DLGAP4: variants seen among roughly 807,000 people sequenced by gnomAD.
The protein encoded by DLGAP4 is disks large-associated protein 4.
Under a neutral mutation model 86.9 loss-of-function variants are expected in DLGAP4, and 18 were observed. The ratio of observed to expected loss-of-function variants is 0.21; its 90% CI spans 0.14 to 0.31. The LOEUF is 0.31. Among genes scored for constraint, DLGAP4 ranks in the 10% least tolerant of loss-of-function variants. The pLI is 1.00. For missense variants in DLGAP4, 1,085 were observed against 1,362.6 expected (o/e 0.80, Z 3.21); for synonymous variants, 548 against 574.3 (o/e 0.95, Z 0.65).
chr20:36,311,525 C>T (rs1326159561), intron 1 of DLGAP4, among the ~76,000 whole-genome samples: 7 of 152,080 alleles, frequency 4.6e-5, no homozygotes, highest in Non-Finnish European at 1.0e-4. Context: ...CTGATGTTGA[C>T]GATGATAATA....
intron 1 of DLGAP4, among the ~76,000 whole-genome samples, chr20:36,310,258 T>G (rs932239873): frequency 9.3e-5 from 14 of 150,116 alleles, no homozygotes; most frequent in African/African-American, 2.7e-4. Context: ...AAGAATTGCA[T>G]GGATAAAGGC....
intron 10 of DLGAP4, among the ~76,000 whole-genome samples, chr20:36,505,499 G>A (rs925098902): frequency 6.6e-6 from 1 of 152,118 alleles, no homozygotes; most frequent in African/African-American, 2.4e-5. Context: ...TTTAGGCTGG[G>A]TGTGGTGGCT....
intron 2 of DLGAP4, among the ~76,000 whole-genome samples, chr20:36,411,719 C>T (rs1000868754): frequency 6.6e-6 from 1 of 152,164 alleles, no homozygotes; most frequent in Non-Finnish European, 1.5e-5. Flanking sequence ...ATCAAGCCCT[C>T]CAGGATCTGA....
At chr20:36,342,882 G>A (rs2065398179) in intron 1 of DLGAP4, among the ~76,000 whole-genome samples, 1 of 152,192 alleles carries the variant, frequency 6.6e-6, no homozygotes, top group Non-Finnish European at 1.5e-5. Flanking sequence ...TAGGCCCTGA[G>A]GCATGAGAAG....
chr20:36,469,507 C>G (rs1193223413), intron 7 of DLGAP4, among the ~76,000 whole-genome samples: 1 of 152,160 alleles, frequency 6.6e-6, no homozygotes, highest in African/African-American at 2.4e-5. Context: ...AATCCCAGCA[C>G]TTTGAGAGGC....
chr20:36,500,084 A>C lies in DLGAP4; in HGVS notation c.2100-115A>C. On this transcript the variant is annotated intron_variant, in intron 9 of 12. Transcript: ENST00000339266. This position sits in a 1 kb window ranked among gnomAD's most constrained non-coding sequence, Gnocchi z 4.6. ...CCCGCTTCAGGCGCATGGTGAGCAGATGATGCATCCGTTTCTCTGTCTCCC... is the reference window on the plus strand; with the variant it reads ...CCCGCTTCAGGCGCATGGTGAGCAGCTGATGCATCCGTTTCTCTGTCTCCC... The C allele has an allele frequency of 8.2e-7, 1 of 1,226,326 alleles. No homozygotes were observed. The highest frequency in any genetic ancestry group is 1.5e-5 in the South Asian group (1 of 64,612). 76.0% of individuals were successfully genotyped at this position (1,226,326 alleles called of 1,614,324 possible).
chr20:36,334,882 G>A (rs2065305753), intron 1 of DLGAP4, among the ~76,000 whole-genome samples: 1 of 152,118 alleles, frequency 6.6e-6, no homozygotes, highest in African/African-American at 2.4e-5. Context: ...TGGGACCGAC[G>A]TGTCTATTGG....
chr20:36,485,188 C>G (rs2035355673), intron 7 of DLGAP4, among the ~76,000 whole-genome samples: 1 of 151,962 alleles, frequency 6.6e-6, no homozygotes, highest in Non-Finnish European at 1.5e-5. Context: ...GAGTTTGAGA[C>G]CAGCTTGGGC....
chr20:36,373,214 G>A (rs1023867914), intron 2 of DLGAP4, among the ~76,000 whole-genome samples: 6 of 152,164 alleles, frequency 3.9e-5, no homozygotes, highest in African/African-American at 1.2e-4. Context: ...AAATAGATTC[G>A]ATTGACTTGT....
intron 2 of DLGAP4, among the ~76,000 whole-genome samples, chr20:36,394,603 T>TAA (rs1453435275): frequency 6.6e-6 from 1 of 152,044 alleles, no homozygotes; most frequent in Non-Finnish European, 1.5e-5. Flanking sequence ...CCTCCGTGAG[T>TAA]AATTCCAGCG....
At chr20:36,369,419 C>G (rs954888771) in intron 2 of DLGAP4, among the ~76,000 whole-genome samples, 1 of 152,084 alleles carries the variant, frequency 6.6e-6, no homozygotes, top group Non-Finnish European at 1.5e-5. Flanking sequence ...ATGGTGAAAC[C>G]CTGTCTCCAC....
At chr20:36,401,920 G>T (rs925015325) in intron 2 of DLGAP4, among the ~76,000 whole-genome samples, 1 of 152,228 alleles carries the variant, frequency 6.6e-6, no homozygotes, top group Admixed American at 6.5e-5. Flanking sequence ...GGAGGAAAGT[G>T]CTTGGTGAGT....
intron 7 of DLGAP4, among the ~76,000 whole-genome samples, chr20:36,479,115 A>G (rs543655652): frequency 6.6e-6 from 1 of 152,090 alleles, no homozygotes; most frequent in Non-Finnish European, 1.5e-5. Context: ...ATCTTCCCAG[A>G]TGTTACCATG....
intron 10 of DLGAP4, 126 bp from the exon 11 acceptor site, chr20:36,524,124 A>G: frequency 1.3e-6 from 1 of 754,580 alleles, no homozygotes; most frequent in Non-Finnish European, 2.3e-6. Context: ...TAAAATGAAG[A>G]CCACCGCCAT....
intron 1 of DLGAP4, among the ~76,000 whole-genome samples, chr20:36,363,376 A>G (rs1403586122): frequency 1.3e-5 from 2 of 152,198 alleles, no homozygotes; most frequent in African/African-American, 4.8e-5. Context: ...ATACTCCTTG[A>G]GCATTTCCTC....
intron 11 of DLGAP4, 169 bp from the exon 12 acceptor site, chr20:36,525,681 TG>T (rs2037708536): frequency 2.3e-6 from 2 of 853,134 alleles, no homozygotes; most frequent in African/African-American, 3.4e-5. Context: ...GGGCTGGTGC[TG>T]ACCAGAACTG....
intron 8 of DLGAP4, chr20:36,499,259 C>T (rs755891195): frequency 6.8e-6 from 11 of 1,613,080 alleles, no homozygotes; most frequent in South Asian, 5.5e-5. Context: ...CTAGAAGGAA[C>T]GGTTCCCACC....
At chr20:36,375,616 G>A (rs2031122732) in intron 2 of DLGAP4, among the ~76,000 whole-genome samples, 1 of 152,194 alleles carries the variant, frequency 6.6e-6, no homozygotes, top group Non-Finnish European at 1.5e-5. Flanking sequence ...AGAGGTAAGT[G>A]CTGATCACTC....
At chr20:36,468,512 C>G (rs771719243) in intron 7 of DLGAP4, among the ~76,000 whole-genome samples, 1 of 152,224 alleles carries the variant, frequency 6.6e-6, no homozygotes, top group Non-Finnish European at 1.5e-5. Flanking sequence ...ATGGCTTGGC[C>G]GAGGCCTCCC....
Sources: gnomAD v4.1 joint callset for allele counts (sites outside exome capture counted in the v4.1 genomes callset) on GRCh38, gnomAD v4.1.1 for gene constraint, Gnocchi (gnomAD v3.1) non-coding constraint, MANE v1.5 for transcripts, NCBI Gene and HGNC (gene_info 2026-07-23, HGNC 2026-07-21) for gene names.